ZDHHC18: variants seen among roughly 807,000 people sequenced by gnomAD.
ZDHHC18 encodes the protein palmitoyltransferase ZDHHC18.
A neutral mutation model predicts 37.5 loss-of-function variants in ZDHHC18; 23 were observed. That is an observed-to-expected ratio of 0.61 (90% CI 0.44 to 0.87). ZDHHC18 has a LOEUF of 0.87. Among genes scored for constraint, ZDHHC18 ranks in the 40% least tolerant of loss-of-function variants. ZDHHC18 has a pLI of 0.00. For missense variants in ZDHHC18, 406 were observed against 525.6 expected, an observed-to-expected ratio of 0.77 and a Z score of 2.22; for synonymous variants, 185 against 218.7, an observed-to-expected ratio of 0.85 and a Z score of 1.36.
rs551133361 is a variant in ZDHHC18, at chr1:26,853,947, A to C, written c.*104A>C. The C allele has an allele frequency of 1.5e-5, 15 of 995,604 alleles. No individual in the cohort carries two copies. The highest frequency in any genetic ancestry group is 2.7e-4 in the Middle Eastern group (1 of 3,742). 61.7% of individuals were successfully genotyped at this position (995,604 alleles called of 1,614,324 possible). A position where few individuals can be genotyped will look rare whatever the true frequency, so the allele number is the denominator to read the frequency against. On this transcript the variant is annotated 3_prime_UTR_variant, in exon 8 of 8. Coordinates refer to ENST00000374142, the MANE Select transcript of ZDHHC18 (RefSeq NM_032283.3). ...AGGGAAGCAGAACTGCCAAAGACTCAAGTCTTTTCATATTTATTTCCCATC... is the reference window on the plus strand; with the variant it reads ...AGGGAAGCAGAACTGCCAAAGACTCCAGTCTTTTCATATTTATTTCCCATC...
chr1:26,833,947 C>T (rs1202464928), intron 2 of ZDHHC18, among the ~76,000 whole-genome samples: 1 of 152,114 alleles, frequency 6.6e-6, no homozygotes, highest in Non-Finnish European at 1.5e-5. Flanking sequence ...TGTCTCATTC[C>T]TCTGCCCAGC....
chr1:26,832,397 G>T (rs200854397), intron 1 of ZDHHC18, 50 bp from the exon 2 acceptor site: 4 of 1,604,920 alleles, frequency 2.5e-6, no homozygotes, highest in South Asian at 1.1e-5. Context: ...GCCCTGTGCC[G>T]CAGGGAGCCC....
chr1:26,837,909 G>T (rs2081620982), intron 2 of ZDHHC18, among the ~76,000 whole-genome samples: 1 of 152,056 alleles, frequency 6.6e-6, no homozygotes, highest in Non-Finnish European at 1.5e-5. Flanking sequence ...CAGTGCGTTT[G>T]CTTGTGCTTG....
chr1:26,829,922 T>TC (rs1214203773), intron 1 of ZDHHC18, among the ~76,000 whole-genome samples: 3 of 152,010 alleles, frequency 2.0e-5, no homozygotes, highest in Non-Finnish European at 2.9e-5. Flanking sequence ...GTCTTCTCTG[T>TC]CCCCCCACAC....
chr1:26,826,982 G>A lies in ZDHHC18; in HGVS notation c.178G>A (p.Gly60Arg). ...SSGSGSGSGS[G>R]SLGRRPRRKW... is the part of the protein sequence containing the mutation. ...CGGCAGCGGCAGCGGCAGCGGGAGC[G>A]GGAGCCTCGGCCGCCGCCCACGGCG... The change falls in exon 1 of 8, where the codon GGG becomes AGG. Residue 60 changes from glycine to arginine, a missense_variant. Coordinates refer to ENST00000374142, the MANE Select transcript of ZDHHC18 (RefSeq NM_032283.3). The surrounding 1 kb of genome is among the most constrained non-coding windows in gnomAD (Gnocchi z 5.2). The A allele has an allele frequency of 8.2e-7, 1 of 1,224,456 alleles. No homozygotes were observed. Among genetic ancestry groups the A allele is most frequent in the Non-Finnish European group, 1.0e-6 (1 of 983,096 alleles). The allele number at this position is 1,224,456 out of a possible 1,614,324, so 75.8% of individuals were successfully genotyped here. A position where few individuals can be genotyped will look rare whatever the true frequency, so the allele number is the denominator to read the frequency against.
chr1:26,852,967 C>A, intron 7 of ZDHHC18, 102 bp downstream of exon 7: 1 of 932,330 alleles, frequency 1.1e-6, no homozygotes, highest in Non-Finnish European at 1.6e-6. Context: ...CCTAGATGCC[C>A]TCCGTCCACT....
chr1:26,851,000 G>A lies in ZDHHC18; in HGVS notation c.834-129G>A, dbSNP rs1416437984. ...GATCCTGCTAAGAAGTGGGGACTGG[G>A]CCACAGGAAGGTTCCAAAACTTCTC... On this transcript the variant is annotated intron_variant, in intron 5 of 7. Coordinates refer to ENST00000374142, the MANE Select transcript of ZDHHC18 (RefSeq NM_032283.3). The surrounding 1 kb of genome is among the most constrained non-coding windows in gnomAD (Gnocchi z 6.1). The A allele has an allele frequency of 2.4e-6, 2 of 847,918 alleles. No individual in the cohort carries two copies. The highest frequency in any genetic ancestry group is 2.6e-5 in the East Asian group (1 of 39,176). 52.5% of individuals were successfully genotyped at this position (847,918 alleles called of 1,614,324 possible). A position where few individuals can be genotyped will look rare whatever the true frequency, so the allele number is the denominator to read the frequency against.
chr1:26,844,100 C>T (rs762651908), intron 2 of ZDHHC18, among the ~76,000 whole-genome samples: 6 of 152,084 alleles, frequency 3.9e-5, no homozygotes, highest in South Asian at 2.1e-4. Context: ...AGTGCAATGG[C>T]GTGATTTCAG....
chr1:26,851,805 C>T (rs1347963421), intron 6 of ZDHHC18, among the ~76,000 whole-genome samples: 1 of 152,304 alleles, frequency 6.6e-6, no homozygotes, highest in Non-Finnish European at 1.5e-5. Flanking sequence ...TCAATATGCA[C>T]GCCTGGGGGA....
At position 26,848,618 on chromosome 1, in the gene ZDHHC18, C is replaced by T. The variant is rs1452930097; in HGVS notation, c.507C>T (p.Gly169=). ...AALEKQIDNT[G]SSTYRPPPRT... The stretch of plus-strand genomic sequence containing the variant: ...TCCTCCTTCCCTCAGACAACACAGG[C>T]AGTTCTACATACCGGCCACCCCCTC... The change falls in exon 3 of 8, where the codon GGC becomes GGT. Residue 169 remains glycine (G), a synonymous_variant. Transcript: ENST00000374142. 1.2e-6 allele frequency: 2 copies of T among 1,612,288 alleles called. No homozygotes were observed. The highest frequency in any genetic ancestry group is 1.7e-6 in the Non-Finnish European group (2 of 1,178,414).
At chr1:26,852,121 A>G (rs565928499) in intron 6 of ZDHHC18, among the ~76,000 whole-genome samples, 68 of 152,362 alleles carry the variant, frequency 4.5e-4, no homozygotes, top group African/African-American at 1.6e-3. Flanking sequence ...GCCATCAGCC[A>G]GTATCTCCCG....
Position 26,853,810 on chromosome 1 carries a change from G to A in ZDHHC18, c.1134G>A (p.Lys378=). 6.2e-7 allele frequency: 1 copy of A among 1,614,034 alleles called. No homozygotes were observed. Among genetic ancestry groups the A allele is most frequent in the Non-Finnish European group, 8.5e-7 (1 of 1,180,024 alleles). Residue 378 remains lysine (K), a synonymous_variant, in exon 8 of 8, where the codon AAG becomes AAA. Coordinates refer to ENST00000374142, the MANE Select transcript of ZDHHC18 (RefSeq NM_032283.3). The part of the protein sequence containing the change: ...IRSDEPACRA[K]PDASMVGGHP ...GCGATGAGCCAGCCTGCAGAGCCAA[G>A]CCTGATGCCAGCATGGTAGGAGGCC...
At chr1:26,843,046 A>C (rs531673364) in intron 2 of ZDHHC18, among the ~76,000 whole-genome samples, 1 of 152,260 alleles carries the variant, frequency 6.6e-6, no homozygotes, top group Admixed American at 6.5e-5. Flanking sequence ...TGGGCTTTGC[A>C]TATGACACAC....
chr1:26,836,416 T>G (rs1032569445), intron 2 of ZDHHC18, among the ~76,000 whole-genome samples: 17 of 152,094 alleles, frequency 1.1e-4, no homozygotes, highest in African/African-American at 4.1e-4. Context: ...AGATCCCAAA[T>G]TTGTTCTCCC....
intron 2 of ZDHHC18, among the ~76,000 whole-genome samples, chr1:26,841,478 T>C (rs908751323): frequency 4.6e-5 from 7 of 152,056 alleles, no homozygotes; most frequent in Non-Finnish European, 8.8e-5. Context: ...AGAAGTTGAG[T>C]GATTTGACCC....
At chr1:26,842,499 C>A (rs559957513) in intron 2 of ZDHHC18, among the ~76,000 whole-genome samples, 178 of 152,332 alleles carry the variant, frequency 1.2e-3, no homozygotes, top group Non-Finnish European at 1.9e-3. Context: ...GAACTAGATT[C>A]ATTAGCTATT....
At chr1:26,840,509 C>T (rs1197851559) in intron 2 of ZDHHC18, among the ~76,000 whole-genome samples, 2 of 139,532 alleles carry the variant, frequency 1.4e-5, no homozygotes, top group Non-Finnish European at 3.1e-5. Context: ...GGCGCGATTT[C>T]GGATCACTTC....
At chr1:26,852,203 A>G (rs2124268967) in intron 6 of ZDHHC18, among the ~76,000 whole-genome samples, 1 of 152,312 alleles carries the variant, frequency 6.6e-6, no homozygotes, top group South Asian at 2.1e-4. Context: ...GTGGCCAAAT[A>G]AGTGTAGAAA....
chr1:26,848,863 C>A (rs1557645291), intron 3 of ZDHHC18, 106 bp downstream of exon 3: 1 of 1,462,090 alleles, frequency 6.8e-7, no homozygotes, highest in South Asian at 1.3e-5. Flanking sequence ...GTCTGAAATA[C>A]CCAGGGCTGG....
Sources: gnomAD v4.1 joint callset for allele counts (sites outside exome capture counted in the v4.1 genomes callset) on GRCh38, gnomAD v4.1.1 for gene constraint, Gnocchi (gnomAD v3.1) non-coding constraint, MANE v1.5 for transcripts, NCBI Gene and HGNC (gene_info 2026-07-23, HGNC 2026-07-21) for gene names.